Variants in ROR1 observed in about 807,000 individuals in gnomAD.
The protein encoded by ROR1 is inactive tyrosine-protein kinase transmembrane receptor ROR1.
In ROR1, 19 loss-of-function variants were observed where a neutral mutation model predicts 78.8. The ratio of observed to expected loss-of-function variants is 0.24; its 90% CI spans 0.17 to 0.35. The LOEUF (loss-of-function observed/expected upper bound fraction) is 0.35, where lower values mean the gene tolerates loss of function less well. ROR1 is among the 10% of genes least tolerant of loss of function. ROR1 has a pLI of 1.00. For missense variants in ROR1, 917 were observed against 1,177.8 expected (o/e 0.78, Z 3.24); for synonymous variants, 386 against 433.6 (o/e 0.89, Z 1.36).
intron 1 of ROR1, among the ~76,000 whole-genome samples, chr1:63,951,105 GCCAGTAAGTGGTT>G (rs1179224861): frequency 1.3e-5 from 2 of 152,214 alleles, no homozygotes; most frequent in African/African-American, 4.8e-5. Context: ...CTCTGCAAGA[GCCAGTAAGTGGTT>G]CCTTGTCTGT....
chr1:64,105,329 A>C (rs1647754102), intron 4 of ROR1: 1 of 151,938 alleles, frequency 6.6e-6, no homozygotes, highest in Non-Finnish European at 1.5e-5. Context: ...CAATTTGTTT[A>C]AGTTCCTTAT....
chr1:63,781,099 A>C (rs1399081858), intron 1 of ROR1, among the ~76,000 whole-genome samples: 1 of 152,212 alleles, frequency 6.6e-6, no homozygotes, highest in Non-Finnish European at 1.5e-5. Context: ...GACAAAGCAG[A>C]GGTTGGGTTT....
At chr1:64,077,184 A>G (rs1362029995) in intron 4 of ROR1, among the ~76,000 whole-genome samples, 1 of 152,230 alleles carries the variant, frequency 6.6e-6, no homozygotes, top group Non-Finnish European at 1.5e-5. Flanking sequence ...TGAGACAAAA[A>G]ACATTTCAAG....
intron 1 of ROR1, among the ~76,000 whole-genome samples, chr1:63,866,174 A>C (rs1310471927): frequency 6.6e-6 from 1 of 152,100 alleles, no homozygotes; most frequent in African/African-American, 2.4e-5. Flanking sequence ...CAGAGAAGCC[A>C]AAATGTTAAA....
chr1:63,868,746 G>A (rs752751668), intron 1 of ROR1, among the ~76,000 whole-genome samples: 14 of 152,190 alleles, frequency 9.2e-5, no homozygotes, highest in Non-Finnish European at 1.3e-4. Flanking sequence ...ATCAGCAAGG[G>A]GATCAGGAGT....
chr1:63,870,641 T>C (rs573878261), intron 1 of ROR1, among the ~76,000 whole-genome samples: 15 of 152,336 alleles, frequency 9.8e-5, no homozygotes, highest in African/African-American at 3.6e-4. Context: ...TGACTTGGGC[T>C]GAATGTGTCT....
chr1:64,034,972 G>A lies in ROR1; in HGVS notation c.164-14719G>A, dbSNP rs12750735. ...TAGCTTGACCTGATTCTCTTGCTGG[G>A]CTATTCACAAATAGAGTGACTTCTA... On this transcript the variant is annotated intron_variant, in intron 2 of 8. Coordinates refer to ENST00000371079, the MANE Select transcript of ROR1 (RefSeq NM_005012.4). Among the ~76,000 whole-genome samples, 1,154 of 152,250 alleles carry A rather than the reference G, an allele frequency of 7.6e-3. 9 individuals are homozygous for A. The highest frequency in any genetic ancestry group is 0.013 in the Admixed American group (194 of 15,288).
At chr1:63,808,605 C>A (rs1461088939) in intron 1 of ROR1, among the ~76,000 whole-genome samples, 3 of 152,158 alleles carry the variant, frequency 2.0e-5, no homozygotes, top group African/African-American at 2.4e-5. Flanking sequence ...TAATAGTGGT[C>A]AGCGCATACA....
In ROR1 at chr1:64,032,113, C is replaced by T. The variant is rs547800337; in HGVS notation, c.164-17578C>T. 5.9e-5 allele frequency among the ~76,000 whole-genome samples: 9 copies of T among 151,936 alleles called. No homozygotes were observed. In the South Asian group the frequency reaches 8.3e-4, roughly 14 times the overall value. On this transcript the variant is annotated intron_variant, in intron 2 of 8. Transcript: ENST00000371079. ...ATCCCAGCACTTTGGGAGGCTGAGG[C>T]GGGCGGATCATGAGGTCAGGAGATC...
Position 64,148,981 on chromosome 1 carries a change from G to A in ROR1, c.1174+6331G>A, listed in dbSNP as rs1026522227. Among the ~76,000 whole-genome samples, 4 of 151,826 alleles carry A rather than the reference G, an allele frequency of 2.6e-5. No homozygotes were observed. The South Asian group carries it at 8.3e-4, about 32-fold the overall frequency. On this transcript the variant is annotated intron_variant, in intron 7 of 8. Coordinates refer to ENST00000371079, the MANE Select transcript of ROR1 (RefSeq NM_005012.4). ...ACAAGCTAAATCAGACCATGCCCTT[G>A]TGTAGCCTACAATCTAATGAAGGAA... is the stretch of plus-strand genomic sequence containing the variant.
intron 1 of ROR1, among the ~76,000 whole-genome samples, chr1:63,932,383 GCA>G (rs1479851199): frequency 6.6e-6 from 1 of 152,134 alleles, no homozygotes; most frequent in Non-Finnish European, 1.5e-5. Context: ...AAAAAAGGCA[GCA>G]CTCAGGTCTC....
chr1:64,132,271 G>A (rs1648937434), intron 4 of ROR1, among the ~76,000 whole-genome samples: 1 of 152,168 alleles, frequency 6.6e-6, no homozygotes, highest in East Asian at 1.9e-4. Context: ...TCTATTGTAT[G>A]TATCTACCAC....
intron 1 of ROR1, among the ~76,000 whole-genome samples, chr1:63,918,278 C>T (rs1371363229): frequency 6.6e-6 from 1 of 152,210 alleles, no homozygotes. Context: ...CAGCACGACG[C>T]ACTGAATGCT....
At chr1:63,921,519 A>G (rs1354059380) in intron 1 of ROR1, among the ~76,000 whole-genome samples, 2 of 152,086 alleles carry the variant, frequency 1.3e-5, no homozygotes, top group Non-Finnish European at 2.9e-5. Context: ...CATGATCATT[A>G]TGGTTGTTGT....
chr1:64,045,683 A>G (rs996704343), intron 2 of ROR1, among the ~76,000 whole-genome samples: 1 of 152,192 alleles, frequency 6.6e-6, no homozygotes, highest in South Asian at 2.1e-4. Context: ...TAAAATGTTC[A>G]TAACAATAAC....
At chr1:64,078,968 G>A (rs1394454112) in intron 4 of ROR1, among the ~76,000 whole-genome samples, 1 of 152,194 alleles carries the variant, frequency 6.6e-6, no homozygotes, top group East Asian at 1.9e-4. Context: ...GGAGGAAAAT[G>A]ACTGCTAGAG....
intron 4 of ROR1, among the ~76,000 whole-genome samples, chr1:64,061,328 C>A (rs1162476489): frequency 6.6e-6 from 1 of 152,166 alleles, no homozygotes; most frequent in African/African-American, 2.4e-5. Context: ...AGTCCTCATT[C>A]TACATCATTT....
intron 4 of ROR1, among the ~76,000 whole-genome samples, chr1:64,132,553 A>T (rs1309740919): frequency 1.3e-5 from 2 of 152,060 alleles, no homozygotes; most frequent in Admixed American, 6.6e-5. Flanking sequence ...TGAGGTCAGG[A>T]GTTCAAGACC....
At chr1:64,077,490 G>A (rs762252214) in intron 4 of ROR1, among the ~76,000 whole-genome samples, 1 of 152,244 alleles carries the variant, frequency 6.6e-6, no homozygotes, top group Non-Finnish European at 1.5e-5. Context: ...AGAGAAGCAG[G>A]CACGTCCTCT....
Sources: allele counts gnomAD v4.1 joint callset (sites outside exome capture counted in the v4.1 genomes callset), GRCh38; gene constraint gnomAD v4.1.1; transcripts MANE v1.5; gene names NCBI Gene and HGNC (gene_info 2026-07-23, HGNC 2026-07-21).